ARID1B: variants seen among roughly 807,000 people sequenced by gnomAD.
ARID1B encodes AT-rich interactive domain-containing protein 1B.
Under a neutral mutation model 212.3 loss-of-function variants are expected in ARID1B, and 30 were observed. The observed-to-expected ratio is 0.14, with a 90% confidence interval of 0.11 to 0.19. The LOEUF (loss-of-function observed/expected upper bound fraction) is 0.19. ARID1B is among the 10% of genes least tolerant of loss of function. ARID1B has a pLI of 1.00. For synonymous variants in ARID1B, 1,402 were observed against 1,301.7 expected, an observed-to-expected ratio of 1.08 and a Z score of -1.66; for missense variants, 2,891 against 3,204.0, an observed-to-expected ratio of 0.90 and a Z score of 2.36.
At chr6:157,036,647 C>T (rs1321062552) in intron 4 of ARID1B, 5 of 337,182 alleles carry the variant, frequency 1.5e-5, no homozygotes, top group South Asian at 7.6e-5. Flanking sequence ...GAAACCCAGA[C>T]GGTGACTGGG....
intron 4 of ARID1B, among the ~76,000 whole-genome samples, chr6:157,076,316 G>T (rs980643104): frequency 4.1e-4 from 61 of 148,728 alleles, no homozygotes; most frequent in African/African-American, 1.3e-3. Flanking sequence ...TGTTTGTTTT[G>T]TTTTTTTTTC....
rs1794592300 is a variant in ARID1B, at chr6:157,207,965, T to G, written c.*74T>G. ...ATAACTGGCTGTTTTCTGTTCTTGT[T>G]TATCCAGCGTAGGAAGAAGGAAAAG... On this transcript the variant is annotated 3_prime_UTR_variant, in exon 20 of 20. Coordinates refer to ENST00000636930, the MANE Select transcript of ARID1B (RefSeq NM_001374828.1). The surrounding 1 kb of genome is among the most constrained non-coding windows in gnomAD (Gnocchi z 8.5). 7.2e-7 allele frequency: 1 copy of G among 1,393,650 alleles called. No individual in the cohort carries two copies. The highest frequency in any genetic ancestry group is 9.4e-7 in the Non-Finnish European group (1 of 1,068,346). 86.3% of individuals were successfully genotyped at this position (1,393,650 alleles called of 1,614,324 possible).
At chr6:156,873,661 G>C (rs1281251207) in intron 2 of ARID1B, among the ~76,000 whole-genome samples, 1 of 152,246 alleles carries the variant, frequency 6.6e-6, no homozygotes, top group African/African-American at 2.4e-5. Context: ...ATGGAGTCTT[G>C]TGCAGCAGAG....
chr6:157,048,338 A>G lies in ARID1B; in HGVS notation c.2248-36324A>G, dbSNP rs538728066. 3.9e-5 allele frequency among the ~76,000 whole-genome samples: 6 copies of G among 152,372 alleles called. No homozygotes were observed. In the East Asian group the frequency reaches 9.6e-4, roughly 24 times the overall value. Reference sequence around the variant, plus strand: ...AGATGTATCACTGATAAATACTTGTAAAAGATATTCCCAAATAAGCAATAA... The same window carrying G: ...AGATGTATCACTGATAAATACTTGTGAAAGATATTCCCAAATAAGCAATAA... On this transcript the variant is annotated intron_variant, in intron 4 of 19. Coordinates refer to ENST00000636930, the MANE Select transcript of ARID1B (RefSeq NM_001374828.1).
At chr6:156,928,699 C>G (rs1252840865) in intron 3 of ARID1B, among the ~76,000 whole-genome samples, 1 of 152,182 alleles carries the variant, frequency 6.6e-6, no homozygotes, top group African/African-American at 2.4e-5. Context: ...CATAATCTGG[C>G]AGGCGGGCCC....
intron 4 of ARID1B, among the ~76,000 whole-genome samples, chr6:157,056,070 C>A (rs1330009429): frequency 6.6e-6 from 1 of 152,186 alleles, no homozygotes; most frequent in East Asian, 1.9e-4. Flanking sequence ...ACCTTAATTA[C>A]ATCTGCAAAA....
intron 5 of ARID1B, among the ~76,000 whole-genome samples, chr6:157,102,850 G>C (rs1003032852): frequency 3.3e-5 from 5 of 152,076 alleles, no homozygotes; most frequent in South Asian, 2.1e-4. Flanking sequence ...ACCCACCTCA[G>C]CCTCCCAAAG....
intron 8 of ARID1B, among the ~76,000 whole-genome samples, chr6:157,153,195 C>T (rs935145356): frequency 7.9e-5 from 12 of 152,068 alleles, no homozygotes; most frequent in Non-Finnish European, 2.9e-5. Context: ...AATTAAGAAA[C>T]ATAGATTAAT....
chr6:156,963,286 C>T (rs1794523612), intron 4 of ARID1B, among the ~76,000 whole-genome samples: 1 of 152,094 alleles, frequency 6.6e-6, no homozygotes, highest in Non-Finnish European at 1.5e-5. Context: ...TTCTAAAAAT[C>T]GCTCTACTGG....
intron 4 of ARID1B, among the ~76,000 whole-genome samples, chr6:156,959,329 A>G (rs6931994): frequency 0.3 from 45,724 of 152,058 alleles, 7,420 homozygotes; most frequent in African/African-American, 0.38. Flanking sequence ...TACTTTTTGT[A>G]TCATCTCTAG....
At chr6:156,952,947 C>A (rs1479058004) in intron 4 of ARID1B, among the ~76,000 whole-genome samples, 1 of 152,146 alleles carries the variant, frequency 6.6e-6, no homozygotes, top group Non-Finnish European at 1.5e-5. Context: ...TTAGCTCCAA[C>A]TTTATTCTTT....
chr6:156,888,035 G>A (rs1372937644), intron 2 of ARID1B, among the ~76,000 whole-genome samples: 4 of 152,118 alleles, frequency 2.6e-5, no homozygotes, highest in Non-Finnish European at 5.9e-5. Flanking sequence ...ATCTCAAAGA[G>A]AACAGTCTTT....
intron 4 of ARID1B, among the ~76,000 whole-genome samples, chr6:157,005,122 CA>C (rs1779166284): frequency 7.3e-6 from 1 of 137,762 alleles, no homozygotes; most frequent in Non-Finnish European, 1.5e-5. Flanking sequence ...CCATGTTGGC[CA>C]GGCTGTTTTT....
At chr6:156,800,631 G>C (rs1330076713) in intron 1 of ARID1B, among the ~76,000 whole-genome samples, 2 of 152,112 alleles carry the variant, frequency 1.3e-5, no homozygotes, top group East Asian at 3.9e-4. Context: ...ATTAGGCTGG[G>C]CATGGTGGCT....
At position 156,955,094 on chromosome 6, in the gene ARID1B, C is replaced by T. The variant is rs1316009182; in HGVS notation, c.2247+19518C>T. 1.3e-5 allele frequency among the ~76,000 whole-genome samples: 2 copies of T among 152,242 alleles called. No individual in the cohort carries two copies. Among genetic ancestry groups the T allele is most frequent in the African/African-American group, 4.8e-5 (2 of 41,454 alleles). ...AAGGATACGTCTCATCCATCCTGCA[C>T]CTGAGCTCAAGTGCTCATCGACCCT... On this transcript the variant is annotated intron_variant, in intron 4 of 19. Coordinates refer to ENST00000636930, the MANE Select transcript of ARID1B (RefSeq NM_001374828.1). This position sits in a 1 kb window ranked among gnomAD's most constrained non-coding sequence, Gnocchi z 4.2.
Position 156,779,625 on chromosome 6 carries a change from G to A in ARID1B, c.1791+154G>A, listed in dbSNP as rs1470350943. On this transcript the variant is annotated intron_variant, in intron 1 of 19. Transcript: ENST00000636930. ...CCATCTTGACGGGCGGCCGCCTCCC[G>A]CCGCGGTCGGGGCGCCCCGGGGGCC... 5 of 775,692 alleles carry A rather than the reference G, an allele frequency of 6.4e-6. No homozygotes were observed. The East Asian group carries it at 2.3e-4, about 36-fold the overall frequency. 48.1% of individuals were successfully genotyped at this position (775,692 alleles called of 1,614,324 possible). A position where few individuals can be genotyped will look rare whatever the true frequency, so the allele number is the denominator to read the frequency against.
intron 2 of ARID1B, among the ~76,000 whole-genome samples, chr6:156,830,950 C>A (rs1435249269): frequency 4.6e-5 from 7 of 152,164 alleles, no homozygotes; most frequent in Non-Finnish European, 8.8e-5. Flanking sequence ...GACCTCACTT[C>A]TCAATTATTG....
At chr6:157,085,083 T>A (rs1035471272) in intron 5 of ARID1B, among the ~76,000 whole-genome samples, 178 bp downstream of exon 5, 1 of 152,210 alleles carries the variant, frequency 6.6e-6, no homozygotes, top group Non-Finnish European at 1.5e-5. Context: ...CAACAGGTGA[T>A]TATAACTACC....
chr6:157,200,183 A>G lies in ARID1B; in HGVS notation c.4480-522A>G, dbSNP rs1793999173. On this transcript the variant is annotated intron_variant, in intron 17 of 19. Transcript: ENST00000636930. The surrounding 1 kb of genome is among the most constrained non-coding windows in gnomAD (Gnocchi z 4.3). ...TGGGGGAGCCACACCTGACCAGGCCAGAAGTCAGGGCAGGAGCCGTGGGAT... is the reference window on the plus strand; with the variant it reads ...TGGGGGAGCCACACCTGACCAGGCCGGAAGTCAGGGCAGGAGCCGTGGGAT... 6.6e-6 allele frequency among the ~76,000 whole-genome samples: 1 copy of G among 152,122 alleles called. No individual in the cohort carries two copies. The highest frequency in any genetic ancestry group is 2.4e-5 in the African/African-American group (1 of 41,422).
Sources: gnomAD v4.1 joint callset for allele counts (sites outside exome capture counted in the v4.1 genomes callset) on GRCh38, gnomAD v4.1.1 for gene constraint, Gnocchi (gnomAD v3.1) non-coding constraint, MANE v1.5 for transcripts, NCBI Gene and HGNC (gene_info 2026-07-23, HGNC 2026-07-21) for gene names.